The following SH2D4A variants were observed in gnomAD, a reference collection of about 807,000 sequenced individuals.
SH2D4A encodes the protein SH2 domain containing 4A, also known as SH2 domain-containing protein 4A.
A neutral mutation model predicts 64.7 loss-of-function variants in SH2D4A; 70 were observed. The observed-to-expected ratio is 1.08, with a 90% CI of 0.89 to 1.32. The LOEUF is 1.32. Among genes scored for constraint, SH2D4A ranks in the 40% most tolerant of loss-of-function variants. The pLI is 0.00. For synonymous variants in SH2D4A, 268 were observed against 200.7 expected (o/e 1.34, Z -2.83); for missense variants, 706 against 540.1 (o/e 1.31, Z -3.04).
intron 5 of SH2D4A, 77 bp from the exon 6 acceptor site, chr8:19,361,126 A>C: frequency 1.3e-6 from 1 of 769,998 alleles, no homozygotes; most frequent in Non-Finnish European, 2.0e-6. Flanking sequence ...TCCTTCAGGA[A>C]ACTGCTGGAT....
chr8:19,350,885 T>G (rs1489069532), intron 4 of SH2D4A, among the ~76,000 whole-genome samples: 3 of 152,214 alleles, frequency 2.0e-5, no homozygotes, highest in South Asian at 2.1e-4. Flanking sequence ...GGATTTTGCT[T>G]GGAACAATAT....
chr8:19,357,254 A>T lies in SH2D4A; in HGVS notation c.565A>T (p.Asn189Tyr). The change falls in exon 5 of 10, where the codon AAT becomes TAT. Residue 189 changes from asparagine (N) to tyrosine (Y), a missense_variant. Physicochemically the swap from Asn to Tyr is moderately radical, Grantham distance 143. Coordinates refer to ENST00000265807, the MANE Select transcript of SH2D4A (RefSeq NM_022071.4). ...NIQQMLADSI[N>Y]RMKAYAFHQK... Reference sequence around the variant, plus strand: ...TCAACAAATGTTGGCAGATTCAATCAATCGTATGAAGGCATATGCATTTCA... The same window carrying T: ...TCAACAAATGTTGGCAGATTCAATCTATCGTATGAAGGCATATGCATTTCA... The T allele has an allele frequency of 6.2e-7, 1 of 1,614,010 alleles. No individual in the cohort carries two copies. The highest frequency in any genetic ancestry group is 1.3e-5 in the African/African-American group (1 of 75,064).
chr8:19,344,307 A>C (rs972079825), intron 4 of SH2D4A, among the ~76,000 whole-genome samples: 1 of 152,110 alleles, frequency 6.6e-6, no homozygotes, highest in Non-Finnish European at 1.5e-5. Context: ...GTATATTCAC[A>C]TTGTTGGCCA....
At chr8:19,365,239 T>C (rs1190783594) in intron 7 of SH2D4A, among the ~76,000 whole-genome samples, 1 of 152,166 alleles carries the variant, frequency 6.6e-6, no homozygotes, top group Non-Finnish European at 1.5e-5. Context: ...TGTTTTTCTT[T>C]GCTGTAATTA....
chr8:19,338,015 A>T (rs1168474395), intron 4 of SH2D4A, among the ~76,000 whole-genome samples: 26 of 152,194 alleles, frequency 1.7e-4, no homozygotes, highest in Admixed American at 1.7e-3. Flanking sequence ...ATAGCCCTGC[A>T]CAGCCTTGAT....
chr8:19,337,688 C>T (rs2139760), intron 4 of SH2D4A, among the ~76,000 whole-genome samples: 3,177 of 152,226 alleles, frequency 0.021, 56 homozygotes, highest in Middle Eastern at 0.082. Flanking sequence ...GTGAAAGGCA[C>T]GTCTAACATG....
At chr8:19,330,590 C>G (rs957196603) in intron 2 of SH2D4A, among the ~76,000 whole-genome samples, 3 of 152,124 alleles carry the variant, frequency 2.0e-5, no homozygotes, top group African/African-American at 7.2e-5. Flanking sequence ...TTTCTCTCCC[C>G]ACCTGCAGCA....
At chr8:19,378,152 G>A (rs948924922) in intron 8 of SH2D4A, among the ~76,000 whole-genome samples, 2 of 151,986 alleles carry the variant, frequency 1.3e-5, no homozygotes, top group African/African-American at 4.8e-5. Flanking sequence ...TTGACCTATA[G>A]GATTTTACAT....
chr8:19,343,100 C>G (rs1585161423), intron 4 of SH2D4A, among the ~76,000 whole-genome samples: 1 of 152,096 alleles, frequency 6.6e-6, no homozygotes, highest in African/African-American at 2.4e-5. Flanking sequence ...TCTCATAAAC[C>G]TCTGCAACCT....
chr8:19,382,861 C>T (rs376340227), intron 8 of SH2D4A, among the ~76,000 whole-genome samples: 1 of 100,034 alleles, frequency 1.0e-5, no homozygotes. Context: ...GACAGGGTCT[C>T]ACTCTGTCAT....
At chr8:19,324,369 A>C (rs1193841990) in intron 2 of SH2D4A, among the ~76,000 whole-genome samples, 1 of 152,180 alleles carries the variant, frequency 6.6e-6, no homozygotes. Flanking sequence ...CATTGTTCCC[A>C]AGGGGGCAGA....
chr8:19,382,823 C>CTTTTTTTTTTTTTT (rs1159245319), intron 8 of SH2D4A, among the ~76,000 whole-genome samples: 18 of 64,626 alleles, frequency 2.8e-4, no homozygotes, highest in African/African-American at 5.3e-4. Flanking sequence ...TTTTAAGATT[C>CTTTTTTTTTTTTTT]TTTTTTTTTT....
Position 19,377,712 on chromosome 8 carries a change from CATT to C in SH2D4A, c.1048+4056_1048+4058del, listed in dbSNP as rs529783229. Among the ~76,000 whole-genome samples, 158 of 152,112 alleles carry C rather than the reference CATT, an allele frequency of 1.0e-3. 1 individual carries two copies. Among genetic ancestry groups the C allele is most frequent in the African/African-American group, 3.6e-3 (149 of 41,508 alleles). On this transcript the variant is annotated intron_variant, in intron 8 of 9. Coordinates refer to ENST00000265807, the MANE Select transcript of SH2D4A (RefSeq NM_022071.4). ...ACACACACATATATTACACACGTAT[CATT>C]ATTCATCTCTCCTACATTTGCTATA...
At chr8:19,360,111 A>G (rs2052856674) in intron 5 of SH2D4A, among the ~76,000 whole-genome samples, 1 of 152,120 alleles carries the variant, frequency 6.6e-6, no homozygotes, top group Non-Finnish European at 1.5e-5. Context: ...TTTCGTTTAA[A>G]ATGATTTCCG....
intron 4 of SH2D4A, among the ~76,000 whole-genome samples, chr8:19,344,158 T>G (rs1466919708): frequency 6.6e-6 from 1 of 152,182 alleles, no homozygotes; most frequent in East Asian, 1.9e-4. Context: ...AGTACCCATG[T>G]GTTATCTCCC....
At chr8:19,357,537 G>A (rs1004516759) in intron 5 of SH2D4A, among the ~76,000 whole-genome samples, 4 of 152,190 alleles carry the variant, frequency 2.6e-5, no homozygotes, top group Non-Finnish European at 4.4e-5. Flanking sequence ...CATAGAGGCG[G>A]CATCCCAGGC....
chr8:19,382,720 C>T (rs918009321), intron 8 of SH2D4A, among the ~76,000 whole-genome samples: 2 of 151,766 alleles, frequency 1.3e-5, no homozygotes, highest in Admixed American at 1.3e-4. Flanking sequence ...TGCTGTCTGT[C>T]CTCCAAAATT....
chr8:19,322,527 G>A (rs754133505), intron 2 of SH2D4A, among the ~76,000 whole-genome samples: 14 of 151,552 alleles, frequency 9.2e-5, no homozygotes, highest in Non-Finnish European at 1.5e-4. Context: ...TTTTCACTAC[G>A]AATACACAGA....
chr8:19,319,868 A>C (rs1265810507), intron 2 of SH2D4A, 140 bp downstream of exon 2: 4 of 748,428 alleles, frequency 5.3e-6, no homozygotes, highest in Admixed American at 7.1e-5. Context: ...TGAGAATCTA[A>C]TAGTGCAGTA....
Sources: gnomAD v4.1 joint callset for allele counts (sites outside exome capture counted in the v4.1 genomes callset) on GRCh38, gnomAD v4.1.1 for gene constraint, MANE v1.5 for transcripts, NCBI Gene and HGNC (gene_info 2026-07-23, HGNC 2026-07-21) for gene names.